Variants in SORCS2 observed in about 807,000 individuals in gnomAD.
The protein encoded by SORCS2 is VPS10 domain-containing receptor SorCS2.
Under a neutral mutation model 141.6 loss-of-function variants are expected in SORCS2, and 100 were observed. The observed-to-expected ratio is 0.71, with a 90% confidence interval of 0.60 to 0.83. The LOEUF (loss-of-function observed/expected upper bound fraction) is 0.83. Among genes scored for constraint, SORCS2 ranks in the 40% least tolerant of loss-of-function variants. SORCS2 has a pLI of 0.00. For synonymous variants in SORCS2, 789 were observed against 676.9 expected (o/e 1.17, Z -2.57); for missense variants, 1,646 against 1,560.2 (o/e 1.05, Z -0.93).
Position 7,737,161 on chromosome 4 carries a change from G to A in SORCS2, c.3404G>A (p.Gly1135Asp), listed in dbSNP as rs746423456. 1 of 1,551,186 alleles carries A rather than the reference G, an allele frequency of 6.4e-7. No homozygotes were observed. The highest frequency in any genetic ancestry group is 1.4e-5 in the African/African-American group (1 of 73,028). ...GTGAGTCACAGTGAGGACGTCCAGG[G>A]CGCTGTCCAGGGTGAGGAGTTTATA... Reference protein sequence around the residue: ...SPVSHSEDVQGAVQGNHSGVV... With the variant: ...SPVSHSEDVQDAVQGNHSGVV... Residue 1135 changes from glycine (G) to aspartate (D), a missense_variant, in exon 26 of 27, where the codon GGC becomes GAC. Physicochemically the swap from Gly to Asp is moderately conservative, Grantham distance 94 (BLOSUM62 -1). Coordinates refer to ENST00000507866, the MANE Select transcript of SORCS2 (RefSeq NM_020777.3).
chr4:7,433,913 G>A (rs758409660), intron 2 of SORCS2: 11 of 1,613,826 alleles, frequency 6.8e-6, no homozygotes, highest in South Asian at 4.4e-5. Flanking sequence ...GAGCACACGC[G>A]CTCCAGGGCA....
intron 2 of SORCS2, among the ~76,000 whole-genome samples, chr4:7,443,631 G>A (rs577084699): frequency 7.6e-4 from 116 of 152,314 alleles, no homozygotes; most frequent in African/African-American, 2.7e-3. Context: ...CAGGGTCCAC[G>A]GCATAAGGAC....
At chr4:7,738,958 C>T (rs902152310) in intron 26 of SORCS2, among the ~76,000 whole-genome samples, 6 of 152,126 alleles carry the variant, frequency 3.9e-5, no homozygotes, top group African/African-American at 1.4e-4. Context: ...CAGGTGTGTT[C>T]CTCATGGCGT....
chr4:7,324,147 C>T (rs570446669), intron 1 of SORCS2, among the ~76,000 whole-genome samples: 1 of 152,352 alleles, frequency 6.6e-6, no homozygotes, highest in Admixed American at 6.5e-5. Flanking sequence ...CAGTCTGGCT[C>T]TAAAGCCTAT....
chr4:7,303,788 G>A (rs775117321), intron 1 of SORCS2, among the ~76,000 whole-genome samples: 12 of 152,260 alleles, frequency 7.9e-5, no homozygotes, highest in Non-Finnish European at 1.3e-4. Flanking sequence ...CAGAGCGCAG[G>A]ACGCAGACCT....
intron 3 of SORCS2, among the ~76,000 whole-genome samples, chr4:7,536,722 G>A (rs189242718): frequency 3.3e-5 from 5 of 152,236 alleles, no homozygotes; most frequent in Admixed American, 1.3e-4. Flanking sequence ...CTTTATCATT[G>A]CATGAAACTT....
At chr4:7,367,585 G>A (rs1034306373) in intron 1 of SORCS2, among the ~76,000 whole-genome samples, 6 of 152,194 alleles carry the variant, frequency 3.9e-5, no homozygotes, top group Non-Finnish European at 8.8e-5. Flanking sequence ...GGCTCTTCTC[G>A]CTCAGGGCTG....
At chr4:7,536,610 G>A (rs562450960) in intron 3 of SORCS2, among the ~76,000 whole-genome samples, 16 of 152,254 alleles carry the variant, frequency 1.1e-4, no homozygotes, top group South Asian at 4.1e-4. Flanking sequence ...AGCCGTGCAC[G>A]GCCCCTGGCA....
chr4:7,366,762 AC>A (rs974859723), intron 1 of SORCS2, among the ~76,000 whole-genome samples: 4 of 151,238 alleles, frequency 2.6e-5, no homozygotes, highest in African/African-American at 4.9e-5. Context: ...TTTCATGTCT[AC>A]CCCCCCAACC....
At position 7,663,052 on chromosome 4, in the gene SORCS2, G is replaced by A. The variant is rs114068427; in HGVS notation, c.953-1301G>A. On this transcript the variant is annotated intron_variant, in intron 6 of 26. Coordinates refer to ENST00000507866, the MANE Select transcript of SORCS2 (RefSeq NM_020777.3). The surrounding 1 kb of genome is among the most constrained non-coding windows in gnomAD (Gnocchi z 4.8). Reference sequence around the variant, plus strand: ...TGAATAGGTGTGTGAGTGAAGGAATGATTGAGTGAAAGAGTGGGTGAATGA... The same window carrying A: ...TGAATAGGTGTGTGAGTGAAGGAATAATTGAGTGAAAGAGTGGGTGAATGA... 6.1e-3 allele frequency among the ~76,000 whole-genome samples: 924 copies of A among 152,192 alleles called. 7 individuals carry two copies. The highest frequency in any genetic ancestry group is 0.017 in the African/African-American group (700 of 41,510).
Position 7,663,661 on chromosome 4 carries a change from C to T in SORCS2, c.953-692C>T, listed in dbSNP as rs1204094790. Among the ~76,000 whole-genome samples, 1 of 152,200 alleles carries T rather than the reference C, an allele frequency of 6.6e-6. No homozygotes were observed. On this transcript the variant is annotated intron_variant, in intron 6 of 26. Coordinates refer to ENST00000507866, the MANE Select transcript of SORCS2 (RefSeq NM_020777.3). The surrounding 1 kb of genome is among the most constrained non-coding windows in gnomAD (Gnocchi z 4.8). ...GTGGGCTTTTCTGGTTTCTAAACGT[C>T]TTCCCTTAACCATTCTCCATGCTGC...
chr4:7,710,423 T>C (rs757245), intron 14 of SORCS2, among the ~76,000 whole-genome samples: 142,644 of 152,080 alleles, frequency 0.94, 67,548 homozygotes, highest in East Asian at 1. Flanking sequence ...CCAGTGGCTG[T>C]TGCTGCTGCT....
Position 7,531,451 on chromosome 4 carries a change from AGGGGCTGGACACCGT to A in SORCS2, c.549-77_549-63del. The A allele has an allele frequency of 2.2e-6, 3 of 1,365,722 alleles. No individual in the cohort carries two copies. The Admixed American group carries it at 5.6e-5, about 25-fold the overall frequency. 84.6% of individuals were successfully genotyped at this position (1,365,722 alleles called of 1,614,324 possible). ...CACTCGGCCCGCACGGGCACAGGGC[AGGGGCTGGACACCGT>A]GTGGGCTGACGAAGGCCACACTTGG... On this transcript the variant is annotated intron_variant, in intron 2 of 26. Transcript: ENST00000507866.
At chr4:7,316,883 G>T (rs1308834450) in intron 1 of SORCS2, among the ~76,000 whole-genome samples, 1 of 152,186 alleles carries the variant, frequency 6.6e-6, no homozygotes, top group African/African-American at 2.4e-5. Context: ...CCACTCTCAA[G>T]CTCCTGAGTT....
chr4:7,740,249 C>A lies in SORCS2; in HGVS notation c.3465C>A (p.Ser1155Arg). The change falls in exon 27 of 27, where the codon AGC becomes AGA. Residue 1155 changes from serine to arginine, a missense_variant. Coordinates refer to ENST00000507866, the MANE Select transcript of SORCS2 (RefSeq NM_020777.3). ...GCATCAACTCCCGAGAGATGCACAG[C>A]TACCTGGTGAGCTGATGCCACCCCA... ...VLSINSREMHSYLVS is the reference protein window; with the variant it reads ...VLSINSREMHRYLVS 10 of 1,609,958 alleles carry A rather than the reference C, an allele frequency of 6.2e-6. No homozygotes were observed. The highest frequency in any genetic ancestry group is 8.5e-6 in the Non-Finnish European group (10 of 1,179,516).
chr4:7,562,439 G>A (rs1714670093), intron 3 of SORCS2, among the ~76,000 whole-genome samples: 1 of 152,152 alleles, frequency 6.6e-6, no homozygotes, highest in Admixed American at 6.5e-5. Context: ...GTGAACGCTG[G>A]GATAGTGATA....
At chr4:7,676,286 C>T (rs1723103622) in intron 9 of SORCS2, 57 bp downstream of exon 9, 4 of 1,507,948 alleles carry the variant, frequency 2.7e-6, no homozygotes, top group Non-Finnish European at 3.6e-6. Context: ...CCTCTGCCCT[C>T]TCACCCCACC....
intron 2 of SORCS2, among the ~76,000 whole-genome samples, chr4:7,513,208 G>A (rs1173811912): frequency 6.6e-6 from 1 of 152,218 alleles, no homozygotes; most frequent in Admixed American, 6.5e-5. Flanking sequence ...TAATGTGAGA[G>A]AGCGCTACAG....
At chr4:7,378,967 C>T (rs1395916384) in intron 1 of SORCS2, among the ~76,000 whole-genome samples, 1 of 152,194 alleles carries the variant, frequency 6.6e-6, no homozygotes, top group Non-Finnish European at 1.5e-5. Flanking sequence ...CAGCAAAAGA[C>T]AGCCTCTCCC....
Sources: gnomAD v4.1 joint callset for allele counts (sites outside exome capture counted in the v4.1 genomes callset) on GRCh38, gnomAD v4.1.1 for gene constraint, Gnocchi (gnomAD v3.1) non-coding constraint, MANE v1.5 for transcripts, NCBI Gene and HGNC (gene_info 2026-07-23, HGNC 2026-07-21) for gene names.